HEMK2: variants seen among roughly 807,000 people sequenced by gnomAD.
The protein encoded by HEMK2 is HemK methyltransferase 2, ETF1 glutamine and histone H4 lysine.
chr21:28,827,414 CAG>C, the HEMK2 span, among the ~76,000 whole-genome samples: 15 of 152,288 alleles, frequency 9.8e-5, no homozygotes, highest in African/African-American at 3.4e-4. Flanking sequence ...TCTGAGAGAT[CAG>C]AGTCTCATCA....
At chr21:28,689,079 A>T in the HEMK2 span, among the ~76,000 whole-genome samples, 1 of 152,210 alleles carries the variant, frequency 6.6e-6, no homozygotes, top group Admixed American at 6.5e-5. Flanking sequence ...ATAACATACC[A>T]TCAATTAAGA....
At chr21:28,753,084 C>T in the HEMK2 span, among the ~76,000 whole-genome samples, 1 of 152,186 alleles carries the variant, frequency 6.6e-6, no homozygotes, top group African/African-American at 2.4e-5. Context: ...AAGAATGGTT[C>T]TCCAGGGTTA....
At chr21:28,756,693 C>T in the HEMK2 span, among the ~76,000 whole-genome samples, 1 of 152,198 alleles carries the variant, frequency 6.6e-6, no homozygotes, top group Non-Finnish European at 1.5e-5. Context: ...TTCCCAAACA[C>T]TTTGTCCTTC....
the HEMK2 span, among the ~76,000 whole-genome samples, chr21:28,825,923 A>G: frequency 2.0e-5 from 3 of 152,340 alleles, no homozygotes; most frequent in East Asian, 3.9e-4. Flanking sequence ...GGCTCCAGCC[A>G]TAAGGAAAGA....
At chr21:28,858,153 C>T in the HEMK2 span, among the ~76,000 whole-genome samples, 3 of 152,206 alleles carry the variant, frequency 2.0e-5, no homozygotes, top group Non-Finnish European at 4.4e-5. Flanking sequence ...GCTGTTAACA[C>T]TGCTTAAGCG....
At chr21:28,677,643 C>T in the HEMK2 span, among the ~76,000 whole-genome samples, 48,678 of 152,018 alleles carry the variant, frequency 0.32, 8,734 homozygotes, top group African/African-American at 0.47. Context: ...TGGGAGGCAC[C>T]CCCCAGTAGG....
the HEMK2 span, chr21:28,872,591 G>C: frequency 6.6e-6 from 1 of 152,242 alleles, no homozygotes; most frequent in East Asian, 1.9e-4. Context: ...TCTTTTACCA[G>C]TACTACAAGA....
chr21:28,831,463 G>GAAAGA, the HEMK2 span, among the ~76,000 whole-genome samples: 2 of 10,856 alleles, frequency 1.8e-4, no homozygotes, highest in Non-Finnish European at 3.3e-4. Flanking sequence ...AGAAAAGAAC[G>GAAAGA]AAAGAAAGAA....
At chr21:28,831,637 A>AAG in the HEMK2 span, among the ~76,000 whole-genome samples, 1 of 25,674 alleles carries the variant, frequency 3.9e-5, no homozygotes, top group Non-Finnish European at 6.9e-5. Flanking sequence ...GAAGGAAGGA[A>AAG]AGAAAGAAAG....
At chr21:28,683,292 G>A in the HEMK2 span, among the ~76,000 whole-genome samples, 244 of 152,178 alleles carry the variant, frequency 1.6e-3, no homozygotes, top group Non-Finnish European at 2.0e-3. Context: ...TAACAATTAT[G>A]AGCAGATGAA....
chr21:28,811,542 A>G, the HEMK2 span, among the ~76,000 whole-genome samples: 1 of 152,162 alleles, frequency 6.6e-6, no homozygotes, highest in Admixed American at 6.5e-5. Context: ...TAATAATCTT[A>G]ACATTCATAT....
chr21:28,788,111 A>G, the HEMK2 span, among the ~76,000 whole-genome samples: 1 of 146,790 alleles, frequency 6.8e-6, no homozygotes, highest in Non-Finnish European at 1.5e-5. Flanking sequence ...ATAGTATTCC[A>G]TCATATATGT....
the HEMK2 span, among the ~76,000 whole-genome samples, chr21:28,769,344 T>A: frequency 6.6e-6 from 1 of 152,122 alleles, no homozygotes; most frequent in African/African-American, 2.4e-5. Flanking sequence ...GGAATTTACC[T>A]CTCAGCTCAG....
At chr21:28,864,861 AGATAGATGGAT>A in the HEMK2 span, among the ~76,000 whole-genome samples, 10 of 116,964 alleles carry the variant, frequency 8.5e-5, no homozygotes, top group African/African-American at 2.8e-4. Flanking sequence ...ATAGATAGAT[AGATAGATGGAT>A]GATAGGTAGA....
the HEMK2 span, among the ~76,000 whole-genome samples, chr21:28,866,076 G>A: frequency 6.7e-6 from 1 of 149,112 alleles, no homozygotes; most frequent in African/African-American, 2.5e-5. Context: ...GCTAAGGCAG[G>A]GGTGGATCAC....
chr21:28,606,151 T>C, the HEMK2 span, among the ~76,000 whole-genome samples: 1 of 152,070 alleles, frequency 6.6e-6, no homozygotes, highest in Non-Finnish European at 1.5e-5. Context: ...TGTAACAGTA[T>C]AGAGAGATAG....
At chr21:28,859,256 T>C in the HEMK2 span, among the ~76,000 whole-genome samples, 1 of 152,218 alleles carries the variant, frequency 6.6e-6, no homozygotes, top group South Asian at 2.1e-4. Flanking sequence ...TAAATTGTTT[T>C]TTAGTATTTG....
the HEMK2 span, among the ~76,000 whole-genome samples, chr21:28,605,195 T>C: frequency 3.3e-5 from 5 of 152,224 alleles, no homozygotes; most frequent in Admixed American, 6.5e-5. Context: ...AGGAACTCCA[T>C]TGGCATGTAT....
At chr21:28,796,108 T>A in the HEMK2 span, among the ~76,000 whole-genome samples, 3 of 152,210 alleles carry the variant, frequency 2.0e-5, no homozygotes, top group Non-Finnish European at 2.9e-5. Context: ...AGAAGAGTGA[T>A]ACTTCAAAGC....
Sources: gnomAD v4.1 joint callset for allele counts (sites outside exome capture counted in the v4.1 genomes callset) on GRCh38, gnomAD v4.1.1 for gene constraint, MANE v1.5 for transcripts, NCBI Gene and HGNC (gene_info 2026-07-23, HGNC 2026-07-21) for gene names.